The following CSMD1 variants were observed in gnomAD, a reference collection of about 807,000 sequenced individuals.
CSMD1 encodes CUB and Sushi multiple domains 1.
Under a neutral mutation model 417.5 loss-of-function variants are expected in CSMD1, and 213 were observed. The observed-to-expected ratio is 0.51, with a 90% CI of 0.46 to 0.57. The LOEUF (loss-of-function observed/expected upper bound fraction) is 0.57. Among genes scored for constraint, CSMD1 ranks in the 20% least tolerant of loss-of-function variants. CSMD1 has a pLI of 0.00. For missense variants in CSMD1, 6,923 were observed against 4,529.7 expected (o/e 1.53, Z -15.17); for synonymous variants, 2,862 against 1,736.8 (o/e 1.65, Z -16.11).
At chr8:2,991,466 A>G (rs1394907085) in intron 54 of CSMD1, among the ~76,000 whole-genome samples, 1 of 152,224 alleles carries the variant, frequency 6.6e-6, no homozygotes, top group Non-Finnish European at 1.5e-5. Context: ...CATTTTCTAA[A>G]AGGCCAGATA....
intron 5 of CSMD1, among the ~76,000 whole-genome samples, chr8:3,909,996 CCATTT>C (rs150900278): frequency 0.013 from 1,924 of 152,078 alleles, 35 homozygotes; most frequent in African/African-American, 0.045. Context: ...GAATGTTCCT[CCATTT>C]ATTTATAAAT....
chr8:4,101,943 T>C (rs1440708588), intron 3 of CSMD1, among the ~76,000 whole-genome samples: 3 of 152,170 alleles, frequency 2.0e-5, no homozygotes, highest in African/African-American at 7.2e-5. Flanking sequence ...CTGTTAGAGC[T>C]TCTAATAGAG....
At chr8:4,137,953 C>G (rs1346589682) in intron 3 of CSMD1, among the ~76,000 whole-genome samples, 1 of 151,222 alleles carries the variant, frequency 6.6e-6, no homozygotes, top group Non-Finnish European at 1.5e-5. Context: ...TCTCGGCTCA[C>G]TGCAACCTCC....
chr8:3,593,102 G>C (rs1288207398), intron 8 of CSMD1, among the ~76,000 whole-genome samples: 3 of 152,208 alleles, frequency 2.0e-5, no homozygotes, highest in Non-Finnish European at 2.9e-5. Context: ...GCTTAAAGCG[G>C]TCTGGCTACC....
intron 1 of CSMD1, among the ~76,000 whole-genome samples, chr8:4,821,076 C>G (rs758121358): frequency 6.6e-6 from 1 of 151,922 alleles, no homozygotes; most frequent in African/African-American, 2.4e-5. Context: ...AAGAGATCTT[C>G]CTTAAGTGTA....
intron 5 of CSMD1, among the ~76,000 whole-genome samples, chr8:3,944,621 A>G (rs1811102136): frequency 1.3e-5 from 2 of 152,146 alleles, no homozygotes; most frequent in Admixed American, 6.5e-5. Flanking sequence ...ATATTCACCA[A>G]CAGAGACTTT....
At chr8:4,041,920 A>G (rs1797913744) in intron 3 of CSMD1, among the ~76,000 whole-genome samples, 3 of 152,208 alleles carry the variant, frequency 2.0e-5, no homozygotes, top group Admixed American at 2.0e-4. Context: ...GGTAACATTA[A>G]TGAACATGTA....
At chr8:3,264,677 T>C (rs1585851288) in intron 26 of CSMD1, among the ~76,000 whole-genome samples, 1 of 152,256 alleles carries the variant, frequency 6.6e-6, no homozygotes, top group Non-Finnish European at 1.5e-5. Flanking sequence ...TGTGGGGTCG[T>C]AAAAAGAGTA....
At chr8:4,300,990 A>C (rs746720514) in intron 3 of CSMD1, among the ~76,000 whole-genome samples, 1 of 152,170 alleles carries the variant, frequency 6.6e-6, no homozygotes, top group Non-Finnish European at 1.5e-5. Flanking sequence ...TGCACTATAA[A>C]CATAAGTGTG....
intron 3 of CSMD1, among the ~76,000 whole-genome samples, chr8:4,065,981 A>C (rs545093840): frequency 3.9e-5 from 6 of 152,216 alleles, no homozygotes; most frequent in Non-Finnish European, 8.8e-5. Flanking sequence ...GTGAAAAATA[A>C]AATAGGGGAA....
chr8:3,284,577 A>G, intron 25 of CSMD1: 1 of 530,832 alleles, frequency 1.9e-6, no homozygotes, highest in Middle Eastern at 5.1e-4. Context: ...ACGCAGAGAG[A>G]TAGGTGAGCT....
chr8:3,459,820 C>T (rs879075806), intron 12 of CSMD1, among the ~76,000 whole-genome samples: 4 of 152,076 alleles, frequency 2.6e-5, no homozygotes, highest in Non-Finnish European at 5.9e-5. Flanking sequence ...TGTGTTGACT[C>T]ATTGGCTACT....
chr8:4,686,207 T>C (rs1806379045), intron 1 of CSMD1, among the ~76,000 whole-genome samples: 1 of 152,220 alleles, frequency 6.6e-6, no homozygotes, highest in Non-Finnish European at 1.5e-5. Context: ...TTGGAGTTAG[T>C]AAGGCTTTTC....
At position 3,118,379 on chromosome 8, in the gene CSMD1, A is replaced by T. The variant is rs936337637; in HGVS notation, c.6430+20T>A. On this transcript the variant is annotated intron_variant, in intron 42 of 69. Transcript: ENST00000635120. ...GCCCATGAAACATTAAATCGCCCCC[A>T]TGCAAAGTGATGAACTTACCATCAC... is the stretch of plus-strand genomic sequence containing the variant. The T allele has an allele frequency of 6.3e-7, 1 of 1,583,366 alleles. No individual in the cohort carries two copies. Among genetic ancestry groups the T allele is most frequent in the African/African-American group, 1.4e-5 (1 of 73,846 alleles).
At chr8:3,416,878 A>T (rs1017108579) in intron 12 of CSMD1, among the ~76,000 whole-genome samples, 1 of 152,246 alleles carries the variant, frequency 6.6e-6, no homozygotes, top group Non-Finnish European at 1.5e-5. Context: ...AAAACCACTT[A>T]TGAAAGTTCT....
chr8:4,876,636 G>C (rs1033384937), intron 1 of CSMD1, among the ~76,000 whole-genome samples: 1 of 151,974 alleles, frequency 6.6e-6, no homozygotes, highest in Non-Finnish European at 1.5e-5. Flanking sequence ...AGGTTATTTA[G>C]GAAAAGCACA....
At chr8:3,552,029 T>C (rs917525283) in intron 10 of CSMD1, among the ~76,000 whole-genome samples, 1 of 152,212 alleles carries the variant, frequency 6.6e-6, no homozygotes, top group Non-Finnish European at 1.5e-5. Flanking sequence ...AGCAAATGTT[T>C]AAAAAATAGA....
At chr8:4,806,354 T>G (rs962251839) in intron 1 of CSMD1, among the ~76,000 whole-genome samples, 1 of 152,184 alleles carries the variant, frequency 6.6e-6, no homozygotes, top group Admixed American at 6.5e-5. Flanking sequence ...TTTTCAGCGT[T>G]GCAGTATTGA....
At chr8:3,971,574 C>T (rs916404013) in intron 5 of CSMD1, among the ~76,000 whole-genome samples, 2 of 151,994 alleles carry the variant, frequency 1.3e-5, no homozygotes, top group Admixed American at 1.3e-4. Context: ...AAATTAATAC[C>T]ATAATTTTGT....
Sources: gnomAD v4.1 joint callset for allele counts (sites outside exome capture counted in the v4.1 genomes callset) on GRCh38, gnomAD v4.1.1 for gene constraint, MANE v1.5 for transcripts, NCBI Gene and HGNC (gene_info 2026-07-23, HGNC 2026-07-21) for gene names.